The following CIST1 variants were observed in gnomAD, a reference collection of about 807,000 sequenced individuals.
The protein encoded by CIST1 is colon, intestine and stomach enriched 1.
At chr19:18,255,153 T>G in the CIST1 span, 1 of 397,880 alleles carries the variant, frequency 2.5e-6, no homozygotes, top group South Asian at 1.3e-4. This position sits in a 1 kb window ranked among gnomAD's most constrained non-coding sequence, Gnocchi z 4.6. Context: ...GGTGTGTGAC[T>G]GGGCTGTGCG....
chr19:18,251,143 C>G, the CIST1 span, among the ~76,000 whole-genome samples: 1,750 of 148,038 alleles, frequency 0.012, 44 homozygotes, highest in African/African-American at 0.041. Context: ...TTTTCCCCCC[C>G]GAGATGGAGT....
chr19:18,252,616 CT>C, the CIST1 span: 3,434 of 286,526 alleles, frequency 0.012, no homozygotes, highest in East Asian at 0.015. Context: ...TTCTCTCTCT[CT>C]TTTTTTTTTT....
the CIST1 span, among the ~76,000 whole-genome samples, chr19:18,252,808 T>C: frequency 6.6e-6 from 1 of 152,160 alleles, no homozygotes; most frequent in African/African-American, 2.4e-5. Flanking sequence ...AGTTTCACTG[T>C]GCTGGCCAGA....
chr19:18,253,512 C>T, the CIST1 span, among the ~76,000 whole-genome samples: 1 of 150,640 alleles, frequency 6.6e-6, no homozygotes, highest in African/African-American at 2.5e-5. Flanking sequence ...GATCATGCCA[C>T]TGAACTCCAG....
chr19:18,254,758 C>T, the CIST1 span, among the ~76,000 whole-genome samples: 3 of 152,142 alleles, frequency 2.0e-5, no homozygotes, highest in Non-Finnish European at 2.9e-5. Context: ...TCCCCTCCAC[C>T]CTAGGCACTG....
chr19:18,250,565 A>G, the CIST1 span: 1 of 398,056 alleles, frequency 2.5e-6, no homozygotes, highest in Non-Finnish European at 4.4e-6. Context: ...ATCTGTTCTC[A>G]GGAAGCTGAC....
the CIST1 span, chr19:18,250,577 T>G: frequency 2.5e-6 from 1 of 397,518 alleles, no homozygotes; most frequent in South Asian, 1.4e-4. Flanking sequence ...GAAGCTGACC[T>G]CTCTTCCCTC....
chr19:18,252,025 G>A, the CIST1 span: 1 of 398,608 alleles, frequency 2.5e-6, no homozygotes, highest in Non-Finnish European at 4.4e-6. Flanking sequence ...TGTTACACCC[G>A]CCACCTCCCT....
At chr19:18,253,550 C>CA in the CIST1 span, among the ~76,000 whole-genome samples, 55 of 123,764 alleles carry the variant, frequency 4.4e-4, no homozygotes, top group East Asian at 8.8e-3. Context: ...GACTCCGTCT[C>CA]AAAAAAAAAA....
the CIST1 span, chr19:18,252,326 G>A: frequency 2.5e-6 from 1 of 399,140 alleles, no homozygotes; most frequent in Non-Finnish European, 4.4e-6. Context: ...AGGGGCTGAG[G>A]TGGGTTATGG....
At chr19:18,253,750 G>A in the CIST1 span, among the ~76,000 whole-genome samples, 2 of 152,142 alleles carry the variant, frequency 1.3e-5, no homozygotes, top group Non-Finnish European at 2.9e-5. Context: ...ACCCTTCTAC[G>A]TGTTGGTCCA....
chr19:18,255,354 C>T, the CIST1 span: 1 of 398,808 alleles, frequency 2.5e-6, no homozygotes. This position sits in a 1 kb window ranked among gnomAD's most constrained non-coding sequence, Gnocchi z 4.6. Flanking sequence ...GGTGTGTGGC[C>T]AGGTGTGTGC....
chr19:18,252,466 C>T, the CIST1 span: 1 of 393,416 alleles, frequency 2.5e-6, no homozygotes, highest in Middle Eastern at 6.3e-4. Context: ...TCTGAGGTCA[C>T]AATATCTGGA....
chr19:18,252,285 G>A, the CIST1 span: 8 of 399,180 alleles, frequency 2.0e-5, no homozygotes, highest in East Asian at 2.5e-4. Context: ...GCTGGGGCTC[G>A]GCTGGATGGT....
chr19:18,251,810 T>C, the CIST1 span, among the ~76,000 whole-genome samples: 14 of 150,918 alleles, frequency 9.3e-5, no homozygotes, highest in Admixed American at 9.4e-4. Flanking sequence ...CCCAAATACA[T>C]AATGTATAAC....
the CIST1 span, chr19:18,251,931 A>G: frequency 0.056 from 22,408 of 396,932 alleles, 761 homozygotes; most frequent in Middle Eastern, 0.074. Context: ...AGAGCTTTAG[A>G]CAATGGAGCA....
the CIST1 span, chr19:18,252,593 T>C: frequency 3.2e-6 from 1 of 309,566 alleles, no homozygotes; most frequent in Non-Finnish European, 5.8e-6. Context: ...AGCGAGACCC[T>C]CTCTCTCTCT....
the CIST1 span, chr19:18,250,238 C>A: frequency 2.5e-6 from 1 of 398,974 alleles, no homozygotes; most frequent in Non-Finnish European, 4.4e-6. Flanking sequence ...CCCAGGTTGG[C>A]CCTGCTTGGG....
the CIST1 span, among the ~76,000 whole-genome samples, chr19:18,251,166 C>G: frequency 6.6e-6 from 1 of 151,680 alleles, no homozygotes; most frequent in Non-Finnish European, 1.5e-5. Context: ...TGCTCTGTCT[C>G]CCAGGCTGGA....
Sources: gnomAD v4.1 joint callset for allele counts (sites outside exome capture counted in the v4.1 genomes callset) on GRCh38, gnomAD v4.1.1 for gene constraint, Gnocchi (gnomAD v3.1) non-coding constraint, MANE v1.5 for transcripts, NCBI Gene and HGNC (gene_info 2026-07-23, HGNC 2026-07-21) for gene names.